NBAS: variants seen among roughly 807,000 people sequenced by gnomAD.
The protein encoded by NBAS is NAG/BC035112 fusion.
NBAS carries 219 observed loss-of-function variants against 302.5 expected under a neutral mutation model. That is an observed-to-expected ratio of 0.72 (90% confidence interval 0.65 to 0.81). The LOEUF (loss-of-function observed/expected upper bound fraction) is 0.81. NBAS is among the 30% of genes least tolerant of loss of function. The pLI is 0.00. For synonymous variants in NBAS, 1,118 were observed against 1,021.6 expected, an observed-to-expected ratio of 1.09 and a Z score of -1.80; for missense variants, 2,932 against 2,841.6, an observed-to-expected ratio of 1.03 and a Z score of -0.72.
At chr2:14,992,045 G>A in the NBAS span, among the ~76,000 whole-genome samples, 2 of 152,120 alleles carry the variant, frequency 1.3e-5, no homozygotes, top group African/African-American at 4.8e-5. Flanking sequence ...TGGAGAAGTG[G>A]GAATGGAACA....
chr2:15,513,460 G>C (rs1239826722), intron 9 of NBAS, among the ~76,000 whole-genome samples: 1 of 152,216 alleles, frequency 6.6e-6, no homozygotes, highest in Non-Finnish European at 1.5e-5. Flanking sequence ...AGTATATCTA[G>C]TGCAGATAAA....
chr2:14,954,053 G>A, the NBAS span, among the ~76,000 whole-genome samples: 5 of 152,144 alleles, frequency 3.3e-5, no homozygotes, highest in African/African-American at 1.2e-4. Context: ...AAGATTTTCA[G>A]AAGAAACCAA....
chr2:14,896,273 C>G, the NBAS span, among the ~76,000 whole-genome samples: 2 of 152,204 alleles, frequency 1.3e-5, no homozygotes, highest in African/African-American at 4.8e-5. Flanking sequence ...TTCTTCAGCT[C>G]AGCCAATACG....
chr2:15,035,799 T>C, the NBAS span, among the ~76,000 whole-genome samples: 1 of 152,014 alleles, frequency 6.6e-6, no homozygotes, highest in Non-Finnish European at 1.5e-5. Flanking sequence ...TGAGAACACA[T>C]GGACACAAGG....
intron 4 of NBAS, 77 bp from the exon 5 acceptor site, chr2:15,553,550 T>G (rs1664482306): frequency 7.8e-7 from 1 of 1,284,900 alleles, no homozygotes; most frequent in African/African-American, 1.5e-5. Context: ...ATGGAATTAT[T>G]TAATAAGTTA....
chr2:14,945,944 G>T, the NBAS span, among the ~76,000 whole-genome samples: 1 of 152,124 alleles, frequency 6.6e-6, no homozygotes, highest in African/African-American at 2.4e-5. Context: ...AGCCAGACGT[G>T]GTGGCACGTG....
At chr2:15,468,578 T>C (rs1415448468) in intron 16 of NBAS, 45 bp from the exon 17 acceptor site, 2 of 1,596,118 alleles carry the variant, frequency 1.3e-6, no homozygotes, top group East Asian at 4.5e-5. Context: ...ATCCATGACA[T>C]CTTACAACAC....
the NBAS span, among the ~76,000 whole-genome samples, chr2:15,028,999 TGAGTG>T: frequency 6.6e-6 from 1 of 152,172 alleles, no homozygotes; most frequent in Non-Finnish European, 1.5e-5. Flanking sequence ...CCTGGACCAT[TGAGTG>T]AATGAGTTTA....
chr2:15,075,867 TA>T, the NBAS span, among the ~76,000 whole-genome samples: 138 of 152,356 alleles, frequency 9.1e-4, 2 homozygotes, highest in African/African-American at 2.7e-3. Context: ...AGTTGGTTGG[TA>T]AAAATTGGAA....
At chr2:15,106,912 C>G in the NBAS span, among the ~76,000 whole-genome samples, 137 of 152,142 alleles carry the variant, frequency 9.0e-4, 3 homozygotes, top group East Asian at 0.018. Flanking sequence ...TAAAACACAT[C>G]CCTCATGATT....
intron 9 of NBAS, among the ~76,000 whole-genome samples, chr2:15,519,370 T>C (rs1385582590): frequency 6.6e-6 from 1 of 152,146 alleles, no homozygotes; most frequent in Admixed American, 6.6e-5. Flanking sequence ...TATGAATTCA[T>C]ATAGAGGAAT....
intron 42 of NBAS, among the ~76,000 whole-genome samples, chr2:15,280,413 A>G (rs1669771815): frequency 6.6e-6 from 1 of 152,000 alleles, no homozygotes; most frequent in Non-Finnish European, 1.5e-5. Flanking sequence ...GGGAAGAGAG[A>G]ATAAAGAGGA....
At chr2:15,539,658 A>G (rs572007955) in intron 6 of NBAS, among the ~76,000 whole-genome samples, 8 of 152,312 alleles carry the variant, frequency 5.3e-5, no homozygotes, top group African/African-American at 1.7e-4. Flanking sequence ...AATACACCTC[A>G]AAATATCTGT....
At chr2:14,825,646 GA>G in the NBAS span, among the ~76,000 whole-genome samples, 15 of 150,630 alleles carry the variant, frequency 1.0e-4, no homozygotes, top group Admixed American at 5.3e-4. Flanking sequence ...ATTTGGGGAA[GA>G]AAAAAAAATG....
At chr2:15,493,721 T>A (rs931285043) in intron 11 of NBAS, among the ~76,000 whole-genome samples, 1 of 151,788 alleles carries the variant, frequency 6.6e-6, no homozygotes, top group African/African-American at 2.4e-5. Flanking sequence ...TGATTCTTCA[T>A]ACTGTATTAA....
intron 9 of NBAS, among the ~76,000 whole-genome samples, chr2:15,517,518 T>C (rs1165788488): frequency 6.6e-6 from 1 of 152,194 alleles, no homozygotes; most frequent in Non-Finnish European, 1.5e-5. Context: ...TTGATATTTA[T>C]ATATGTCTGT....
chr2:14,976,405 A>C, the NBAS span, among the ~76,000 whole-genome samples: 1 of 152,212 alleles, frequency 6.6e-6, no homozygotes, highest in East Asian at 1.9e-4. Context: ...GTGCATGTGC[A>C]CAAGGTCTAC....
chr2:15,477,103 T>G (rs1680225539), intron 13 of NBAS, among the ~76,000 whole-genome samples: 1 of 152,208 alleles, frequency 6.6e-6, no homozygotes, highest in Admixed American at 6.5e-5. Flanking sequence ...AGCAAATCAC[T>G]AAAATCAAAT....
At chr2:14,994,994 C>T in the NBAS span, among the ~76,000 whole-genome samples, 2 of 151,978 alleles carry the variant, frequency 1.3e-5, no homozygotes. Context: ...AAAAGGTATT[C>T]CAGTTTCTAC....
Sources: allele counts gnomAD v4.1 joint callset (sites outside exome capture counted in the v4.1 genomes callset), GRCh38; gene constraint gnomAD v4.1.1; transcripts MANE v1.5; gene names NCBI Gene and HGNC (gene_info 2026-07-23, HGNC 2026-07-21).